Variants in P2RX7 observed in about 807,000 individuals in gnomAD.
P2RX7 encodes P2X purinoceptor 7.
A neutral mutation model predicts 71.6 loss-of-function variants in P2RX7; 62 were observed. The observed-to-expected ratio is 0.87, with a 90% CI of 0.71 to 1.07. The LOEUF (loss-of-function observed/expected upper bound fraction) is 1.07, where lower values mean the gene tolerates loss of function less well. Among genes scored for constraint, P2RX7 ranks in the 50% least tolerant of loss-of-function variants. The pLI, the probability that P2RX7 is intolerant of heterozygous loss-of-function variation, is 0.00. For synonymous variants in P2RX7, 299 were observed against 283.3 expected, an observed-to-expected ratio of 1.06 and a Z score of -0.56; for missense variants, 686 against 748.5, an observed-to-expected ratio of 0.92 and a Z score of 0.97.
chr12:121,149,183 G>A lies in P2RX7; in HGVS notation c.126-5602G>A. On this transcript the variant is annotated intron_variant, in intron 1 of 12. Transcript: ENST00000328963. The surrounding 1 kb of genome is among the most constrained non-coding windows in gnomAD (Gnocchi z 4.7). ...ACTCTGAAGAACGACTTTATGGTGG[G>A]CACCTTCATCTCCATCTGGTGGGTC... 1 of 404,484 alleles carries A rather than the reference G, an allele frequency of 2.5e-6. No homozygotes were observed. Among genetic ancestry groups the A allele is most frequent in the Non-Finnish European group, 4.9e-6 (1 of 203,268 alleles). The allele number at this position is 404,484 out of a possible 1,614,324, so 25.1% of individuals were successfully genotyped here. A position where few individuals can be genotyped will look rare whatever the true frequency, so the allele number is the denominator to read the frequency against.
chr12:121,179,583 T>C (rs35734276), intron 11 of P2RX7, among the ~76,000 whole-genome samples: 58,712 of 151,620 alleles, frequency 0.39, 11,819 homozygotes, highest in African/African-American at 0.45. Flanking sequence ...AGCTGATGCA[T>C]AATTCACTGT....
At chr12:121,144,324 A>C (rs963947680) in intron 1 of P2RX7, among the ~76,000 whole-genome samples, 2 of 152,066 alleles carry the variant, frequency 1.3e-5, no homozygotes, top group African/African-American at 2.4e-5. Flanking sequence ...CAGCTTCCTG[A>C]GTAGCTGGGA....
chr12:121,167,364 T>C, intron 7 of P2RX7, 124 bp from the exon 8 acceptor site: 21 of 1,094,508 alleles, frequency 1.9e-5, no homozygotes, highest in South Asian at 4.3e-5. Flanking sequence ...GCTGTACATA[T>C]GGTTCTTCAA....
Position 121,154,137 on chromosome 12 carries a change from A to AG in P2RX7, c.126-648_126-647insG, listed in dbSNP as rs1447990480. ...GGCCCTTTCTCTGGAATAAAAAAAA[A>AG]AGAGAGGCTGGGCGCAGTGGCTCAC... On this transcript the variant is annotated intron_variant, in intron 1 of 12. Transcript: ENST00000328963. The surrounding 1 kb of genome is among the most constrained non-coding windows in gnomAD (Gnocchi z 4.2). 6.6e-6 allele frequency among the ~76,000 whole-genome samples: 1 copy of AG among 151,556 alleles called. No individual in the cohort carries two copies. The highest frequency in any genetic ancestry group is 1.5e-5 in the Non-Finnish European group (1 of 67,868).
At chr12:121,177,069 G>C in intron 9 of P2RX7, 78 bp from the exon 10 acceptor site, 2 of 1,292,208 alleles carry the variant, frequency 1.5e-6, no homozygotes, top group South Asian at 2.4e-5. Flanking sequence ...CTCCCTGATA[G>C]AACCAACAAT....
intron 6 of P2RX7, 77 bp downstream of exon 6, chr12:121,165,514 A>G: frequency 8.7e-7 from 1 of 1,147,756 alleles, no homozygotes; most frequent in Admixed American, 1.8e-5. Context: ...AGAAGCCTGA[A>G]ACAACAAACG....
rs147998595 is a variant in P2RX7 at position 121,141,189 on chromosome 12, C to G, written c.125+8094C>G. On this transcript the variant is annotated intron_variant, in intron 1 of 12. Transcript: ENST00000328963. ...TTTTTCATGTCTAACACCAAAACAC[C>G]AAAATAGCTGGAAACATATCATGTC... 2.3e-3 allele frequency among the ~76,000 whole-genome samples: 343 copies of G among 152,276 alleles called. 1 individual carries two copies. Among genetic ancestry groups the G allele is most frequent in the Middle Eastern group, 0.01 (3 of 294 alleles).
rs779176117 is a variant in P2RX7, at chr12:121,156,192, TG to T, written c.363+50del. The stretch of plus-strand genomic sequence containing the variant: ...TGGTGGGTCAGGTCTTAAGAGTTCC[TG>T]GGGGAGGTGCAAGTCGGAAGAAGCA... On this transcript the variant is annotated intron_variant, in intron 3 of 12. Coordinates refer to ENST00000328963, the MANE Select transcript of P2RX7 (RefSeq NM_002562.6). The T allele has an allele frequency of 2.0e-6, 3 of 1,507,718 alleles. No individual in the cohort carries two copies. The African/African-American group carries it at 4.1e-5, about 21-fold the overall frequency. The allele number at this position is 1,507,718 out of a possible 1,614,324, so 93.4% of individuals were successfully genotyped here.
chr12:121,157,746 C>T (rs920917523), intron 3 of P2RX7, among the ~76,000 whole-genome samples: 10 of 152,212 alleles, frequency 6.6e-5, no homozygotes, highest in Non-Finnish European at 1.5e-5. Context: ...AACTTCTTAA[C>T]TCTGTGACCT....
Position 121,186,077 on chromosome 12 carries a change from A to G in P2RX7, c.*1275A>G. The G allele has an allele frequency of 6.5e-6, 1 of 153,338 alleles. No individual in the cohort carries two copies. The highest frequency in any genetic ancestry group is 1.4e-5 in the Non-Finnish European group (1 of 69,118). The allele number at this position is 153,338 out of a possible 1,614,324, so 9.5% of individuals were successfully genotyped here. On this transcript the variant is annotated 3_prime_UTR_variant, in exon 13 of 13. Transcript: ENST00000328963. ...TCAAAAAAAAAAAAAAGAAAAAAAA[A>G]ATGTCTGCCTATCCTGAGACTGCCC...
At chr12:121,174,349 A>G (rs1882732952) in intron 8 of P2RX7, among the ~76,000 whole-genome samples, 1 of 151,992 alleles carries the variant, frequency 6.6e-6, no homozygotes, top group South Asian at 2.1e-4. Flanking sequence ...TGCCCGACCA[A>G]AAAATTTAAA....
chr12:121,146,721 T>G (rs976894963), intron 1 of P2RX7, among the ~76,000 whole-genome samples: 2 of 152,230 alleles, frequency 1.3e-5, no homozygotes, highest in African/African-American at 4.8e-5. Context: ...TCCTATGGAC[T>G]TAATGTCTTA....
intron 2 of P2RX7, 140 bp downstream of exon 2, chr12:121,155,093 G>A (rs1013208448): frequency 2.7e-6 from 4 of 1,484,588 alleles, no homozygotes; most frequent in South Asian, 2.6e-5. Flanking sequence ...TCCCAACTGA[G>A]AAAACCTAAA....
chr12:121,162,603 C>T, intron 5 of P2RX7, 83 bp downstream of exon 5: 1 of 1,512,196 alleles, frequency 6.6e-7, no homozygotes, highest in Non-Finnish European at 9.0e-7. Flanking sequence ...GCCTTCCCCT[C>T]TCAGCACAGC....
chr12:121,182,669 T>C (rs566886631), intron 12 of P2RX7, among the ~76,000 whole-genome samples: 1 of 152,198 alleles, frequency 6.6e-6, no homozygotes, highest in Non-Finnish European at 1.5e-5. Flanking sequence ...GGACTGAAAG[T>C]TGCTCTGGGT....
At chr12:121,163,586 TAGATAGACAGGTAGATAGATAGATAGATA>T (rs1880306739) in intron 5 of P2RX7, among the ~76,000 whole-genome samples, 1 of 89,082 alleles carries the variant, frequency 1.1e-5, no homozygotes, top group Non-Finnish European at 2.4e-5. Flanking sequence ...AGATAATAGA[TAGATAGACAGGTAGATAGATAGATAGATA>T]GATAGATAGA....
At chr12:121,175,777 C>T (rs1883005332) in intron 9 of P2RX7, among the ~76,000 whole-genome samples, 1 of 148,152 alleles carries the variant, frequency 6.7e-6, no homozygotes, top group South Asian at 2.2e-4. Flanking sequence ...TAACAGAATC[C>T]AATTCAAATT....
intron 1 of P2RX7, among the ~76,000 whole-genome samples, chr12:121,150,864 G>A (rs1877242603): frequency 1.3e-5 from 2 of 152,098 alleles, no homozygotes; most frequent in Non-Finnish European, 2.9e-5. Flanking sequence ...AGCTGAGATC[G>A]CGCCATTGCA....
chr12:121,173,175 A>G (rs1882504115), intron 8 of P2RX7, among the ~76,000 whole-genome samples: 1 of 137,744 alleles, frequency 7.3e-6, no homozygotes, highest in South Asian at 2.3e-4. Flanking sequence ...CTCAAAGAAT[A>G]TTTTGTTTGT....
Sources: allele counts gnomAD v4.1 joint callset (sites outside exome capture counted in the v4.1 genomes callset), GRCh38; gene constraint gnomAD v4.1.1; non-coding constraint Gnocchi (gnomAD v3.1); transcripts MANE v1.5; gene names NCBI Gene and HGNC (gene_info 2026-07-23, HGNC 2026-07-21).